Variants in TRAPPC2L observed in about 807,000 individuals in gnomAD.
The protein encoded by TRAPPC2L is trafficking protein particle complex subunit 2L, also known as trafficking protein particle complex subunit 2-like protein.
A neutral mutation model predicts 13.2 loss-of-function variants in TRAPPC2L; 17 were observed. That is an observed-to-expected ratio of 1.29 (90% CI 0.88 to 1.93). The LOEUF (loss-of-function observed/expected upper bound fraction) is 1.93, where lower values mean the gene tolerates loss of function less well. TRAPPC2L is among the 30% of genes most tolerant of loss of function. The pLI is 0.00. For synonymous variants in TRAPPC2L, 150 were observed against 98.1 expected (o/e 1.53, Z -3.12); for missense variants, 359 against 252.1 (o/e 1.42, Z -2.87).
chr16:88,857,113 G>T, upstream of TRAPPC2L: 1 of 1,537,362 alleles, frequency 6.5e-7, no homozygotes, highest in Admixed American at 1.9e-5. Context: ...ACCAGCGGCG[G>T]GTCACGTGAC....
rs755610647 is a variant in TRAPPC2L, at chr16:88,860,896, G to C, written c.*572G>C. On this transcript the variant is annotated 3_prime_UTR_variant, in exon 4 of 4. Coordinates refer to ENST00000565504, the Ensembl canonical transcript of TRAPPC2L. Reference sequence around the variant, plus strand: ...GAGGGCCTGGCTCTCCTCTGAGTGGGTCTGTTTCTCTTAGCAGGGCCTTTG... The same window carrying C: ...GAGGGCCTGGCTCTCCTCTGAGTGGCTCTGTTTCTCTTAGCAGGGCCTTTG... The C allele has an allele frequency of 1.3e-6, 2 of 1,585,614 alleles. No homozygotes were observed. Among genetic ancestry groups the C allele is most frequent in the Admixed American group, 3.7e-5 (2 of 54,652 alleles).
chr16:88,859,240 A>G lies in TRAPPC2L; in HGVS notation c.207-423A>G, dbSNP rs769489942. On this transcript the variant is annotated intron_variant, in intron 2 of 3. Transcript: ENST00000565504. ...TTCAAAGACCTTCCCAAAAGTCATCATGTAGCCTGTCCATGGTGACATTTG... is the reference window on the plus strand; with the variant it reads ...TTCAAAGACCTTCCCAAAAGTCATCGTGTAGCCTGTCCATGGTGACATTTG... 255 of 536,846 alleles carry G rather than the reference A, an allele frequency of 4.7e-4. 1 individual carries two copies. The highest frequency in any genetic ancestry group is 7.9e-4 in the Non-Finnish European group (222 of 279,870). 33.3% of individuals were successfully genotyped at this position (536,846 alleles called of 1,614,324 possible).
chr16:88,859,846 T>C (rs1968250124), intron 3 of TRAPPC2L, 47 bp from the exon 4 acceptor site: 1 of 1,581,888 alleles, frequency 6.3e-7, no homozygotes, highest in Admixed American at 1.8e-5. Context: ...AATCTGGCAG[T>C]GGCTGTGTGT....
chr16:88,859,943 C>G, exon 4 of TRAPPC2L: 1 of 1,613,810 alleles, frequency 6.2e-7, no homozygotes, highest in Non-Finnish European at 8.5e-7. Context: ...GCAACCCCTT[C>G]TACAACCCGG....
At chr16:88,862,309 G>C (rs1198986014) in exon 4 of TRAPPC2L, 2 of 152,450 alleles carry the variant, frequency 1.3e-5, no homozygotes, top group Non-Finnish European at 2.9e-5. Context: ...GGGCAGACGA[G>C]AGCCATGTCC....
upstream of TRAPPC2L, chr16:88,857,009 G>A: frequency 1.4e-6 from 2 of 1,389,808 alleles, no homozygotes; most frequent in Non-Finnish European, 9.2e-7. Flanking sequence ...AGTCCGCGGA[G>A]GGACGGGAGG....
At chr16:88,856,289 G>A, upstream of TRAPPC2L, 1 of 702,994 alleles carries the variant, frequency 1.4e-6, no homozygotes. Flanking sequence ...GCCCGAGGTG[G>A]CGGGAGTGAT....
intron 1 of TRAPPC2L, among the ~76,000 whole-genome samples, chr16:88,857,703 A>T (rs570879503): frequency 6.6e-6 from 1 of 152,138 alleles, no homozygotes; most frequent in Non-Finnish European, 1.5e-5. Context: ...CTCCGCTCCA[A>T]CCAAACAATT....
chr16:88,861,735 G>C (rs1165589131), exon 4 of TRAPPC2L: 2 of 457,518 alleles, frequency 4.4e-6, no homozygotes, highest in African/African-American at 4.0e-5. Flanking sequence ...CCCGCTGAGG[G>C]GACCCCCCCG....
chr16:88,858,783 C>T (rs755043776), exon 2 of TRAPPC2L: 3 of 1,612,948 alleles, frequency 1.9e-6, no homozygotes, highest in Admixed American at 3.3e-5. Flanking sequence ...CCACGGAGGA[C>T]TACAAGGTGT....
At position 88,860,075 on chromosome 16, in the gene TRAPPC2L, CT is replaced by C; in HGVS notation, c.482del (p.Leu161Ter). The C allele has an allele frequency of 8.9e-7, 1 of 1,122,626 alleles. No homozygotes were observed. The highest frequency in any genetic ancestry group is 1.3e-6 in the Non-Finnish European group (1 of 760,324). The allele number at this position is 1,122,626 out of a possible 1,614,324, so 69.5% of individuals were successfully genotyped here. On this transcript the variant is annotated frameshift_variant, in exon 4 of 4. Transcript: ENST00000565504. LOFTEE classifies it low-confidence loss of function (END_TRUNC). ...ATTTGGAAAATAAGGGAGGAAAGAT[CT>C]TTTTAAGCTATGAGCACCATCCCCC...
chr16:88,856,268 G>T, upstream of TRAPPC2L: 2 of 703,052 alleles, frequency 2.8e-6, no homozygotes, highest in Non-Finnish European at 5.2e-6. Flanking sequence ...GCCCAGCGGG[G>T]GGACCCGGCG....
At chr16:88,856,579 A>AT (rs1162002343), upstream of TRAPPC2L, 75 of 421,834 alleles carry the variant, frequency 1.8e-4, 2 homozygotes, top group African/African-American at 2.8e-3. Context: ...CCGCACGGGG[A>AT]TACCCCCCGT....
upstream of TRAPPC2L, chr16:88,856,560 T>TGCCCCA: frequency 1.8e-6 from 1 of 548,320 alleles, no homozygotes; most frequent in Non-Finnish European, 3.3e-6. Flanking sequence ...CCGAGGGGCC[T>TGCCCCA]CCCCCTCCCC....
intron 1 of TRAPPC2L, chr16:88,857,436 C>G (rs1434193006): frequency 4.3e-6 from 2 of 464,168 alleles, no homozygotes; most frequent in Non-Finnish European, 7.7e-6. Flanking sequence ...CCCGCCAGGA[C>G]CCACCAGAAA....
At chr16:88,859,193 C>G in intron 2 of TRAPPC2L, 1 of 479,710 alleles carries the variant, frequency 2.1e-6, no homozygotes, top group Non-Finnish European at 4.0e-6. Flanking sequence ...TCCCTTGGGA[C>G]AAATCACTTG....
intron 2 of TRAPPC2L, chr16:88,859,393 A>C: frequency 1.4e-6 from 1 of 697,404 alleles, no homozygotes; most frequent in Non-Finnish European, 2.6e-6. Context: ...GAGGTGTTCC[A>C]GACAGACAGA....
intron 2 of TRAPPC2L, chr16:88,859,023 T>A (rs940699775): frequency 1.8e-6 from 1 of 556,326 alleles, no homozygotes; most frequent in African/African-American, 1.9e-5. Flanking sequence ...TTTGCACGTG[T>A]CCGTTGTCTG....
chr16:88,856,240 C>T (rs1290126325), upstream of TRAPPC2L: 3 of 702,946 alleles, frequency 4.3e-6, no homozygotes, highest in Admixed American at 2.0e-5. Flanking sequence ...ACAGAGACAG[C>T]CGTCAGGTAA....
Sources: gnomAD v4.1 joint callset for allele counts (sites outside exome capture counted in the v4.1 genomes callset) on GRCh38, gnomAD v4.1.1 for gene constraint, MANE v1.5 for transcripts, NCBI Gene and HGNC (gene_info 2026-07-23, HGNC 2026-07-21) for gene names.